GCC2: variants seen among roughly 807,000 people sequenced by gnomAD.
The protein encoded by GCC2 is GRIP and coiled-coil domain-containing protein 2.
A neutral mutation model predicts 210.6 loss-of-function variants in GCC2; 120 were observed. That is an observed-to-expected ratio of 0.57 (90% CI 0.49 to 0.66). GCC2 has a LOEUF of 0.66. Ranked by LOEUF, GCC2 falls within the 30% of genes least tolerant of loss-of-function variation. The pLI is 0.00. For missense variants in GCC2, 1,868 were observed against 1,871.9 expected, an observed-to-expected ratio of 1.00 and a Z score of 0.04; for synonymous variants, 703 against 652.7, an observed-to-expected ratio of 1.08 and a Z score of -1.17.
Position 108,475,782 on chromosome 2 carries a change from C to T in GCC2, c.2992C>T (p.Leu998Phe). 1.2e-6 allele frequency: 2 copies of T among 1,606,042 alleles called. No individual in the cohort carries two copies. Among genetic ancestry groups the T allele is most frequent in the Non-Finnish European group, 1.7e-6 (2 of 1,176,322 alleles). Residue 998 changes from leucine to phenylalanine, a missense_variant, in exon 9 of 23, where the codon CTT becomes TTT. Around this residue, in one of 3 missense-constraint regions of GCC2, gnomAD observed 1,847 missense variants for 1,765.2 expected, o/e 1.05. Transcript: ENST00000309863. ...TQTVKEELESLRSEKDQLSAS... is the reference protein window; with the variant it reads ...TQTVKEELESFRSEKDQLSAS... ...GACTGTGAAGGAAGAACTTGAATCT[C>T]TTCGATCAGAAAAGGACCAGTTATC...
intron 21 of GCC2, among the ~76,000 whole-genome samples, chr2:108,498,705 T>C (rs1682774069): frequency 6.6e-6 from 1 of 152,224 alleles, no homozygotes; most frequent in Admixed American, 6.5e-5. Context: ...ATATCATTCT[T>C]TGCCTCATTT....
Position 108,451,056 on chromosome 2 carries a change from T to C in GCC2, c.92T>C (p.Ile31Thr), listed in dbSNP as rs1558723991. The C allele has an allele frequency of 3.1e-6, 5 of 1,613,346 alleles. No homozygotes were observed. Among genetic ancestry groups the C allele is most frequent in the Non-Finnish European group, 4.2e-6 (5 of 1,179,350 alleles). The stretch of plus-strand genomic sequence containing the variant: ...GAAACATTGCCCAAAGAAGACCTCA[T>C]CAAGTTTGCCAAGAAACAGATGATG... Reference protein sequence around the residue: ...KLETLPKEDLIKFAKKQMMLI... With the variant: ...KLETLPKEDLTKFAKKQMMLI... The change falls in exon 3 of 23, where the codon ATC becomes ACC. Residue 31 changes from isoleucine to threonine, a missense_variant. Around this residue, in one of 3 missense-constraint regions of GCC2, gnomAD observed 1,847 missense variants for 1,765.2 expected, o/e 1.05. Coordinates refer to ENST00000309863, the MANE Select transcript of GCC2 (RefSeq NM_181453.4).
At chr2:108,452,018 A>G (rs187938788) in intron 3 of GCC2, among the ~76,000 whole-genome samples, 9 of 151,864 alleles carry the variant, frequency 5.9e-5, no homozygotes, top group African/African-American at 2.2e-4. Flanking sequence ...TAATTTTTGT[A>G]TTTTTAGTAG....
chr2:108,489,359 T>TA (rs1462749481), intron 17 of GCC2, among the ~76,000 whole-genome samples: 1 of 152,010 alleles, frequency 6.6e-6, no homozygotes, highest in Non-Finnish European at 1.5e-5. Flanking sequence ...CTACTAAAAA[T>TA]AAAAAATTAG....
intron 4 of GCC2, among the ~76,000 whole-genome samples, chr2:108,458,000 T>G (rs1349163683): frequency 3.3e-5 from 5 of 152,202 alleles, no homozygotes; most frequent in Non-Finnish European, 1.5e-5. Flanking sequence ...TTGTCTTCAG[T>G]TCTTAGAGGA....
At chr2:108,473,491 TAAACACACTA>T in intron 7 of GCC2, among the ~76,000 whole-genome samples, 1 of 152,298 alleles carries the variant, frequency 6.6e-6, no homozygotes, top group Admixed American at 6.5e-5. Flanking sequence ...AGCCTGATCA[TAAACACACTA>T]GTATGATTGA....
chr2:108,481,249 C>A (rs938591912), intron 9 of GCC2, among the ~76,000 whole-genome samples: 17 of 152,186 alleles, frequency 1.1e-4, no homozygotes, highest in African/African-American at 4.1e-4. Context: ...TTCCAGTGTT[C>A]TTTCATTAGC....
chr2:108,493,376 C>A lies in GCC2; in HGVS notation c.4447+586C>A, dbSNP rs922111494. The A allele has an allele frequency of 4.4e-5, 42 of 953,552 alleles. No homozygotes were observed. In the African/African-American group the frequency reaches 7.1e-4, roughly 16 times the overall value. 59.1% of individuals were successfully genotyped at this position (953,552 alleles called of 1,614,324 possible). On this transcript the variant is annotated intron_variant, in intron 19 of 22. Transcript: ENST00000309863. ...ATGCTGGGATTACAGGCATGAGCCA[C>A]TGCGCCTGGCCGACACATGTCTTAA... is the stretch of plus-strand genomic sequence containing the variant.
chr2:108,453,616 C>G (rs1181120323), intron 4 of GCC2, among the ~76,000 whole-genome samples: 1 of 152,130 alleles, frequency 6.6e-6, no homozygotes, highest in Non-Finnish European at 1.5e-5. Context: ...GAAACCCTGT[C>G]TGTACTAAAA....
At chr2:108,481,127 G>A (rs1195679270) in intron 9 of GCC2, among the ~76,000 whole-genome samples, 1 of 152,204 alleles carries the variant, frequency 6.6e-6, no homozygotes, top group Admixed American at 6.5e-5. Context: ...TGATCATTCT[G>A]TCCTTCAGTA....
At chr2:108,465,461 A>C (rs142105253) in intron 4 of GCC2, among the ~76,000 whole-genome samples, 3 of 152,166 alleles carry the variant, frequency 2.0e-5, no homozygotes. Context: ...CAGAGTAGTG[A>C]ACATTATACC....
intron 12 of GCC2, among the ~76,000 whole-genome samples, chr2:108,483,768 T>C (rs190274257): frequency 6.6e-6 from 1 of 152,322 alleles, no homozygotes; most frequent in East Asian, 1.9e-4. Flanking sequence ...AGCTTGAAAT[T>C]TGTATTATAC....
intron 19 of GCC2, among the ~76,000 whole-genome samples, chr2:108,493,076 CCT>C (rs1682483099): frequency 1.3e-5 from 2 of 152,134 alleles, no homozygotes; most frequent in Non-Finnish European, 2.9e-5. Context: ...ACTTAAACAT[CCT>C]CTGTCAGTCT....
intron 2 of GCC2, among the ~76,000 whole-genome samples, chr2:108,450,244 C>A (rs1307073831): frequency 6.6e-6 from 1 of 152,134 alleles, no homozygotes; most frequent in Non-Finnish European, 1.5e-5. Context: ...GATGAGAAAC[C>A]TGAGACCACA....
chr2:108,472,857 A>C lies in GCC2; in HGVS notation c.2818A>C (p.Asn940His), dbSNP rs776983164. Reference protein sequence around the residue: ...DSLAKSPSVKNDPLSSVKELE... With the variant: ...DSLAKSPSVKHDPLSSVKELE... ...CTTAGCAAAATCACCTTCTGTAAAA[A>C]ATGATCCTCTGTCTTCAGTAAAAGA... Residue 940 changes from asparagine (N) to histidine (H), a missense_variant, in exon 7 of 23, where the codon AAT becomes CAT. By Grantham distance (68) the Asn-to-His change is moderately conservative. Coordinates refer to ENST00000309863, the MANE Select transcript of GCC2 (RefSeq NM_181453.4). 1.9e-6 allele frequency: 3 copies of C among 1,596,956 alleles called. No homozygotes were observed. The South Asian group carries it at 3.4e-5, about 18-fold the overall frequency.
rs144405899 is a variant in GCC2 at position 108,450,030 on chromosome 2, T to C, written c.63+341T>C. ...AGGGATTCTGATCTGTGGGCTCCAGTTTCTACATTGCCAAAGAGTTTAATT... is the reference window on the plus strand; with the variant it reads ...AGGGATTCTGATCTGTGGGCTCCAGCTTCTACATTGCCAAAGAGTTTAATT... On this transcript the variant is annotated intron_variant, in intron 2 of 22. Coordinates refer to ENST00000309863, the MANE Select transcript of GCC2 (RefSeq NM_181453.4). 2,037 of 237,756 alleles carry C rather than the reference T, an allele frequency of 8.6e-3. 17 individuals carry two copies. Among genetic ancestry groups the C allele is most frequent in the Non-Finnish European group, 0.013 (1,532 of 122,110 alleles). 14.7% of individuals were successfully genotyped at this position (237,756 alleles called of 1,614,324 possible).
In GCC2 at chr2:108,507,724, A is replaced by G. The variant is rs1683274027; in HGVS notation, c.*94A>G. ...ACAATTCTTTTGTCAAAAAGTGTGTATATATGTTTGCATCTACATATATTT... is the reference window on the plus strand; with the variant it reads ...ACAATTCTTTTGTCAAAAAGTGTGTGTATATGTTTGCATCTACATATATTT... On this transcript the variant is annotated 3_prime_UTR_variant, in exon 23 of 23. Coordinates refer to ENST00000309863, the MANE Select transcript of GCC2 (RefSeq NM_181453.4). The G allele has an allele frequency of 1.4e-5, 13 of 903,854 alleles. No homozygotes were observed. The South Asian group carries it at 1.6e-4, about 11-fold the overall frequency. The allele number at this position is 903,854 out of a possible 1,614,324, so 56.0% of individuals were successfully genotyped here. A position where few individuals can be genotyped will look rare whatever the true frequency, so the allele number is the denominator to read the frequency against.
At chr2:108,469,262 A>G (rs1434562248) in intron 5 of GCC2, 178 bp downstream of exon 5, 1 of 465,070 alleles carries the variant, frequency 2.2e-6, no homozygotes, top group Non-Finnish European at 3.8e-6. Context: ...ACAGCAACAG[A>G]GGTGACATTT....
At chr2:108,505,637 G>A (rs1228341152) in intron 22 of GCC2, among the ~76,000 whole-genome samples, 2 of 152,012 alleles carry the variant, frequency 1.3e-5, no homozygotes, top group African/African-American at 4.8e-5. Context: ...GCGGCCTTGA[G>A]GAACTAAATT....
Sources: gnomAD v4.1 joint callset for allele counts (sites outside exome capture counted in the v4.1 genomes callset) on GRCh38, gnomAD v4.1.1 for gene constraint, gnomAD v4.1.1 regional missense constraint, MANE v1.5 for transcripts, NCBI Gene and HGNC (gene_info 2026-07-23, HGNC 2026-07-21) for gene names.